The following NAV1 variants were observed in gnomAD, a reference collection of about 807,000 sequenced individuals.
NAV1 encodes neuron navigator 1, also known as pore membrane and/or filament interacting like protein 3.
Under a neutral mutation model 175.2 loss-of-function variants are expected in NAV1, and 18 were observed. That is an observed-to-expected ratio of 0.10 (90% CI 0.07 to 0.15). The LOEUF (loss-of-function observed/expected upper bound fraction) is 0.15. NAV1 is among the 10% of genes least tolerant of loss of function. The pLI is 1.00. For synonymous variants in NAV1, 897 were observed against 978.7 expected, an observed-to-expected ratio of 0.92 and a Z score of 1.56; for missense variants, 1,731 against 2,436.6, an observed-to-expected ratio of 0.71 and a Z score of 6.10.
intron 1 of NAV1, among the ~76,000 whole-genome samples, chr1:201,553,357 C>T (rs1162975602): frequency 6.6e-6 from 1 of 152,248 alleles, no homozygotes; most frequent in Non-Finnish European, 1.5e-5. Context: ...GCCTGGGCTG[C>T]TTCCTAAACT....
chr1:201,546,039 C>G (rs1394398436), intron 1 of NAV1, among the ~76,000 whole-genome samples: 1 of 152,200 alleles, frequency 6.6e-6, no homozygotes, highest in African/African-American at 2.4e-5. Flanking sequence ...TGCCAAGATA[C>G]CAACTGCTCT....
At chr1:201,627,706 T>G (rs959886091) in intron 1 of NAV1, among the ~76,000 whole-genome samples, 1 of 152,124 alleles carries the variant, frequency 6.6e-6, no homozygotes, top group Non-Finnish European at 1.5e-5. Context: ...CTCTCCCCAG[T>G]AGAATTTTCT....
At chr1:201,733,658 G>A (rs1672963833) in intron 3 of NAV1, among the ~76,000 whole-genome samples, 2 of 152,158 alleles carry the variant, frequency 1.3e-5, no homozygotes, top group Non-Finnish European at 2.9e-5. Flanking sequence ...ATTTGAGAGT[G>A]GATAGTCAGG....
upstream of NAV1, among the ~76,000 whole-genome samples, chr1:201,620,630 T>A (rs542903097): frequency 6.6e-6 from 1 of 151,292 alleles, no homozygotes; most frequent in Non-Finnish European, 1.5e-5. Flanking sequence ...AGCTATTTAG[T>A]GTGTGTGTGT....
At chr1:201,615,628 C>G (rs1667981841) in intron 2 of NAV1, among the ~76,000 whole-genome samples, 1 of 152,164 alleles carries the variant, frequency 6.6e-6, no homozygotes, top group Non-Finnish European at 1.5e-5. Context: ...TATCTTTACT[C>G]TTTCATTGCT....
intron 1 of NAV1, among the ~76,000 whole-genome samples, chr1:201,543,590 A>T (rs1435660389): frequency 6.6e-6 from 1 of 151,960 alleles, no homozygotes; most frequent in Non-Finnish European, 1.5e-5. Context: ...TTACATTAGG[A>T]TGGGTTGATG....
intron 2 of NAV1, among the ~76,000 whole-genome samples, chr1:201,606,889 A>G (rs1193945304): frequency 6.6e-6 from 1 of 152,152 alleles, no homozygotes; most frequent in Non-Finnish European, 1.5e-5. Context: ...AGGACAAACA[A>G]CTCGGTTAAT....
Position 201,539,405 on chromosome 1 carries a change from T to C in NAV1, c.-144+63T>C, listed in dbSNP as rs1235693030. On this transcript the variant is annotated intron_variant, in intron 1 of 33. Transcript: ENST00000685211. This position sits in a 1 kb window ranked among gnomAD's most constrained non-coding sequence, Gnocchi z 5.6. ...GCTGAGGGTCTGGCGCTTCCCGTTTTGCGAGGCTTGGCTGGCAGGTCCTGC... is the reference window on the plus strand; with the variant it reads ...GCTGAGGGTCTGGCGCTTCCCGTTTCGCGAGGCTTGGCTGGCAGGTCCTGC... Among the ~76,000 whole-genome samples, 2 of 151,968 alleles carry C rather than the reference T, an allele frequency of 1.3e-5. No homozygotes were observed. The highest frequency in any genetic ancestry group is 2.9e-5 in the Non-Finnish European group (2 of 67,972).
intron 1 of NAV1, among the ~76,000 whole-genome samples, chr1:201,548,978 A>G (rs1167296726): frequency 2.6e-5 from 4 of 152,234 alleles, no homozygotes; most frequent in Non-Finnish European, 5.9e-5. Context: ...GGGACAGGAA[A>G]CTGTTGCTTG....
chr1:201,721,733 C>G (rs1026901159), intron 3 of NAV1, among the ~76,000 whole-genome samples: 1 of 152,234 alleles, frequency 6.6e-6, no homozygotes, highest in East Asian at 1.9e-4. Flanking sequence ...CTCCCAAGAG[C>G]TCCCAGCACT....
intron 20 of NAV1, 88 bp from the exon 25 acceptor site, chr1:201,809,074 CAG>C (rs1158085973): frequency 7.1e-6 from 10 of 1,402,432 alleles, no homozygotes; most frequent in South Asian, 4.7e-5. Context: ...CTGTGGCAAA[CAG>C]AGTTATTTTG....
At chr1:201,597,832 G>A (rs79814855) in intron 2 of NAV1, among the ~76,000 whole-genome samples, 6,960 of 152,312 alleles carry the variant, frequency 0.046, 174 homozygotes, top group Middle Eastern at 0.068. Context: ...CCAGTGTGAC[G>A]AGGTGAGGCA....
At chr1:201,674,186 A>T (rs1670155293) in intron 1 of NAV1, 1 of 152,118 alleles carries the variant, frequency 6.6e-6, no homozygotes, top group South Asian at 2.1e-4. Flanking sequence ...TTAGCTGTGG[A>T]CGCAGAGCCA....
chr1:201,761,423 C>T (rs1408206347), intron 3 of NAV1, among the ~76,000 whole-genome samples: 1 of 152,142 alleles, frequency 6.6e-6, no homozygotes, highest in African/African-American at 2.4e-5. Flanking sequence ...TGGCCTGGGT[C>T]TTTTAGAGCT....
At chr1:201,553,343 G>C (rs1328522073) in intron 1 of NAV1, among the ~76,000 whole-genome samples, 1 of 152,228 alleles carries the variant, frequency 6.6e-6, no homozygotes, top group Non-Finnish European at 1.5e-5. Context: ...CCTCTTTGTA[G>C]AGAGCCTGGG....
intron 1 of NAV1, among the ~76,000 whole-genome samples, chr1:201,567,029 G>A (rs1273607214): frequency 3.3e-5 from 5 of 151,950 alleles, no homozygotes; most frequent in East Asian, 1.9e-4. Flanking sequence ...TTCCTTAGGC[G>A]GTGTTTTGGA....
At chr1:201,754,957 T>C (rs887643666) in intron 3 of NAV1, among the ~76,000 whole-genome samples, 5 of 152,200 alleles carry the variant, frequency 3.3e-5, no homozygotes, top group African/African-American at 9.7e-5. Context: ...TCATATCAGG[T>C]ATAATGTTTA....
chr1:201,643,829 C>A (rs780568634), upstream of NAV1, among the ~76,000 whole-genome samples: 25 of 152,158 alleles, frequency 1.6e-4, no homozygotes, highest in Non-Finnish European at 3.5e-4. Flanking sequence ...ATTCCCCAGA[C>A]CCCCCACAGA....
chr1:201,790,379 T>C (rs769275041), intron 11 of NAV1, among the ~76,000 whole-genome samples, 175 bp from the exon 16 acceptor site: 7 of 152,146 alleles, frequency 4.6e-5, no homozygotes, highest in African/African-American at 1.2e-4. Flanking sequence ...CTAGTATAGA[T>C]CTGAGCCGAG....
Sources: allele counts gnomAD v4.1 joint callset (sites outside exome capture counted in the v4.1 genomes callset), GRCh38; gene constraint gnomAD v4.1.1; non-coding constraint Gnocchi (gnomAD v3.1); transcripts MANE v1.5; gene names NCBI Gene and HGNC (gene_info 2026-07-23, HGNC 2026-07-21).